The following RASD1 variants were observed in gnomAD, a reference collection of about 807,000 sequenced individuals.
The protein encoded by RASD1 is ras related dexamethasone induced 1.
In RASD1, 13 loss-of-function variants were observed where a neutral mutation model predicts 16.7. The ratio of observed to expected loss-of-function variants is 0.78; its 90% CI spans 0.51 to 1.24. The LOEUF is 1.24. Ranked by LOEUF, RASD1 falls within the 50% of genes most tolerant of loss-of-function variation. The pLI is 0.00. For missense variants in RASD1, 397 were observed against 407.5 expected, an observed-to-expected ratio of 0.97 and a Z score of 0.22; for synonymous variants, 170 against 172.6, an observed-to-expected ratio of 0.98 and a Z score of 0.12.
Position 17,496,273 on chromosome 17 carries a change from G to A in RASD1, c.-92C>T. 7.3e-7 allele frequency: 1 copy of A among 1,371,066 alleles called. No individual in the cohort carries two copies. The highest frequency in any genetic ancestry group is 9.8e-7 in the Non-Finnish European group (1 of 1,022,784). 84.9% of individuals were successfully genotyped at this position (1,371,066 alleles called of 1,614,324 possible). A position where few individuals can be genotyped will look rare whatever the true frequency, so the allele number is the denominator to read the frequency against. ...GGGGTGGCACGCGGGGTGAGCGGCT[G>A]GAGGGCTCTGCTCGGGCTGGGCGCG... On this transcript the variant is annotated 5_prime_UTR_variant, in exon 1 of 2. Transcript: ENST00000225688.
Position 17,496,207 on chromosome 17 carries a change from C to T in RASD1, c.-26G>A. 1 of 1,554,804 alleles carries T rather than the reference C, an allele frequency of 6.4e-7. No homozygotes were observed. The highest frequency in any genetic ancestry group is 8.7e-7 in the Non-Finnish European group (1 of 1,147,396). ...TGGGCAGAGGGGCCGCGAGGGCGGG[C>T]GCGGGGCCGAGAGAAGGGCAGAGAG... On this transcript the variant is annotated 5_prime_UTR_variant, in exon 1 of 2. Coordinates refer to ENST00000225688, the MANE Select transcript of RASD1 (RefSeq NM_016084.5).
Position 17,494,963 on chromosome 17 carries a change from C to T in RASD1, c.*162G>A. 2 of 865,374 alleles carry T rather than the reference C, an allele frequency of 2.3e-6. No homozygotes were observed. Among genetic ancestry groups the T allele is most frequent in the Non-Finnish European group, 1.7e-6 (1 of 578,490 alleles). The allele number at this position is 865,374 out of a possible 1,614,324, so 53.6% of individuals were successfully genotyped here. On this transcript the variant is annotated 3_prime_UTR_variant, in exon 2 of 2. Coordinates refer to ENST00000225688, the MANE Select transcript of RASD1 (RefSeq NM_016084.5). Reference sequence around the variant, plus strand: ...TCTCTTTCCTTCCGGAGCAGATGACCGTCCCTTCTCGGTTCAGTGGCGCCT... The same window carrying T: ...TCTCTTTCCTTCCGGAGCAGATGACTGTCCCTTCTCGGTTCAGTGGCGCCT...
Position 17,496,051 on chromosome 17 carries a change from A to C in RASD1, c.131T>G (p.Phe44Cys). ...KVGKTAIVSR[F>C]LTGRFEDAYT... ...GGCGTCCTCGAAGCGGCCGGTGAGG[A>C]AGCGCGACACGATGGCCGTCTTGCC... The change falls in exon 1 of 2, where the codon TTC (phenylalanine) becomes TGC (cysteine). Residue 44 changes from phenylalanine (F) to cysteine (C), a missense_variant. Transcript: ENST00000225688. 6.2e-7 allele frequency: 1 copy of C among 1,614,080 alleles called. No homozygotes were observed. Among genetic ancestry groups the C allele is most frequent in the Non-Finnish European group, 8.5e-7 (1 of 1,180,006 alleles).
In RASD1 at chr17:17,495,469, G is replaced by C; in HGVS notation, c.502C>G (p.Pro168Ala). The C allele has an allele frequency of 6.2e-7, 1 of 1,609,602 alleles. No individual in the cohort carries two copies. Among genetic ancestry groups the C allele is most frequent in the South Asian group, 1.1e-5 (1 of 90,466 alleles). The change falls in exon 2 of 2, where the codon CCC becomes GCC. Residue 168 changes from proline to alanine, a missense_variant. Coordinates refer to ENST00000225688, the MANE Select transcript of RASD1 (RefSeq NM_016084.5). ...ATCTCGAAGTAGGCGCAGCGCTGGG[G>C]GTCGTCGCCCACCAGCTGCTCGATC... ...REIEQLVGDD[P>A]QRCAYFEISA...
chr17:17,496,094 G>A lies in RASD1; in HGVS notation c.88C>T (p.Leu30Phe). Residue 30 changes from leucine to phenylalanine, a missense_variant, in exon 1 of 2, where the codon CTC becomes TTC. By Grantham distance (22) the Leu-to-Phe change is conservative. Transcript: ENST00000225688. ...PAKNCYRMVI[L>F]GSSKVGKTAI... is the part of the protein sequence containing the mutation. ...GTCTTGCCCACCTTGGACGAGCCGA[G>A]GATGACCATGCGATAGCAGTTCTTG... is the stretch of plus-strand genomic sequence containing the variant. 1 of 1,614,122 alleles carries A rather than the reference G, an allele frequency of 6.2e-7. No homozygotes were observed. Among genetic ancestry groups the A allele is most frequent in the Non-Finnish European group, 8.5e-7 (1 of 1,180,018 alleles).
In RASD1 at chr17:17,495,018, G is replaced by A. The variant is rs1474561246; in HGVS notation, c.*107C>T. Reference sequence around the variant, plus strand: ...AGTGCTGGGGGCGGATCGCCGGGAGGGGAGACGCCAGTCCGCGCGCGCTCC... The same window carrying A: ...AGTGCTGGGGGCGGATCGCCGGGAGAGGAGACGCCAGTCCGCGCGCGCTCC... On this transcript the variant is annotated 3_prime_UTR_variant, in exon 2 of 2. Transcript: ENST00000225688. 1.5e-5 allele frequency: 21 copies of A among 1,385,954 alleles called. No individual in the cohort carries two copies. Among genetic ancestry groups the A allele is most frequent in the Non-Finnish European group, 2.1e-5 (21 of 1,019,664 alleles). 85.9% of individuals were successfully genotyped at this position (1,385,954 alleles called of 1,614,324 possible). A position where few individuals can be genotyped will look rare whatever the true frequency, so the allele number is the denominator to read the frequency against.
In RASD1 at chr17:17,495,465, TG is replaced by T; in HGVS notation, c.505del (p.Gln169SerfsTer33). 6.2e-7 allele frequency: 1 copy of T among 1,609,398 alleles called. No homozygotes were observed. Among genetic ancestry groups the T allele is most frequent in the Non-Finnish European group, 8.5e-7 (1 of 1,178,066 alleles). ...CGAGATCTCGAAGTAGGCGCAGCGC[TG>T]GGGGTCGTCGCCCACCAGCTGCTCG... is the stretch of plus-strand genomic sequence containing the variant. ...EIEQLVGDDPQRCAYFEISAK... is the reference protein window; with the variant it reads ...EIEQLVGDDPXRCAYFEISAK... On this transcript the variant is annotated frameshift_variant, in exon 2 of 2. Transcript: ENST00000225688. LOFTEE classifies it high-confidence loss of function.
Position 17,496,215 on chromosome 17 carries a change from C to T in RASD1, c.-34G>A. On this transcript the variant is annotated 5_prime_UTR_variant, in exon 1 of 2. Coordinates refer to ENST00000225688, the MANE Select transcript of RASD1 (RefSeq NM_016084.5). The stretch of plus-strand genomic sequence containing the variant: ...GGGGCCGCGAGGGCGGGCGCGGGGC[C>T]GAGAGAAGGGCAGAGAGCGGCTGAG... 6.5e-7 allele frequency: 1 copy of T among 1,541,604 alleles called. No individual in the cohort carries two copies.
Position 17,495,682 on chromosome 17 carries a change from C to T in RASD1, c.289G>A (p.Asp97Asn). ...AGACTGAACACCAGGATGAAAACGT[C>T]TCCTAGAGGGGGCACAGAGAGCAGA... ...AMRRLSILTGDVFILVFSLDN... is the reference protein window; with the variant it reads ...AMRRLSILTGNVFILVFSLDN... The change falls in exon 2 of 2, where the codon GAC (aspartate) becomes AAC (asparagine). Residue 97 changes from aspartate to asparagine, a missense_variant and splice_region_variant. By Grantham distance (23) the Asp-to-Asn change is conservative. Transcript: ENST00000225688. 1 of 1,605,772 alleles carries T rather than the reference C, an allele frequency of 6.2e-7. No homozygotes were observed. Among genetic ancestry groups the T allele is most frequent in the Non-Finnish European group, 8.5e-7 (1 of 1,175,494 alleles).
rs771412160 is a variant in RASD1, at chr17:17,495,566, G to A, written c.405C>T (p.Asn135=). The change falls in exon 2 of 2, where the codon AAC becomes AAT. Residue 135 remains asparagine (N), a synonymous_variant. Coordinates refer to ENST00000225688, the MANE Select transcript of RASD1 (RefSeq NM_016084.5). ...KSCLKNKTKE[N]VDVPLVICGN... is the part of the protein sequence containing the mutation. ...CGCAGATGACCAGGGGCACGTCCACGTTCTCCTTGGTTTTGTTCTTGAGGC... is the reference window on the plus strand; with the variant it reads ...CGCAGATGACCAGGGGCACGTCCACATTCTCCTTGGTTTTGTTCTTGAGGC... The A allele has an allele frequency of 1.9e-5, 31 of 1,613,022 alleles. No individual in the cohort carries two copies. In the South Asian group the frequency reaches 3.4e-4, roughly 18 times the overall value.
At position 17,495,049 on chromosome 17, in the gene RASD1, T is replaced by C. The variant is rs2232841; in HGVS notation, c.*76A>G. 60,393 of 1,551,040 alleles carry C rather than the reference T, an allele frequency of 0.039. 4,342 individuals are homozygous for C. Among genetic ancestry groups the C allele is most frequent in the African/African-American group, 0.32 (22,609 of 71,742 alleles). Reference sequence around the variant, plus strand: ...CGCCAGTCCGCGCGCGCTCCCGGCCTGGGGCGCACCGGGCCGTTGGATTTG... The same window carrying C: ...CGCCAGTCCGCGCGCGCTCCCGGCCCGGGGCGCACCGGGCCGTTGGATTTG... On this transcript the variant is annotated 3_prime_UTR_variant, in exon 2 of 2. Transcript: ENST00000225688.
Position 17,496,343 on chromosome 17 carries a change from A to G in RASD1, c.-162T>C. 2 of 746,128 alleles carry G rather than the reference A, an allele frequency of 2.7e-6. No homozygotes were observed. Among genetic ancestry groups the G allele is most frequent in the South Asian group, 4.1e-5 (2 of 48,792 alleles). 46.2% of individuals were successfully genotyped at this position (746,128 alleles called of 1,614,324 possible). A position where few individuals can be genotyped will look rare whatever the true frequency, so the allele number is the denominator to read the frequency against. Reference sequence around the variant, plus strand: ...GCTCCGCTCGGGCTGGGCTCGGGCTAGGCTGGGCTCGGCTGGGGTTCTCCC... The same window carrying G: ...GCTCCGCTCGGGCTGGGCTCGGGCTGGGCTGGGCTCGGCTGGGGTTCTCCC... On this transcript the variant is annotated 5_prime_UTR_variant, in exon 1 of 2. Coordinates refer to ENST00000225688, the MANE Select transcript of RASD1 (RefSeq NM_016084.5).
At position 17,495,324 on chromosome 17, in the gene RASD1, A is replaced by G. The variant is rs1905386063; in HGVS notation, c.647T>C (p.Val216Ala). The stretch of plus-strand genomic sequence containing the variant: ...GTTCCGCAGCGCCTTCTTGTGCAGC[A>G]CGTCGCAGTACTGCACCGAGACCTT... ...HRKVSVQYCDVLHKKALRNKK... is the reference protein window; with the variant it reads ...HRKVSVQYCDALHKKALRNKK... The change falls in exon 2 of 2, where the codon GTG becomes GCG. Residue 216 changes from valine (V) to alanine (A), a missense_variant. By Grantham distance (64) the Val-to-Ala change is moderately conservative (BLOSUM62 0). Coordinates refer to ENST00000225688, the MANE Select transcript of RASD1 (RefSeq NM_016084.5). The G allele has an allele frequency of 3.2e-6, 5 of 1,557,186 alleles. No homozygotes were observed. The highest frequency in any genetic ancestry group is 2.7e-5 in the African/African-American group (2 of 73,672).
At position 17,495,716 on chromosome 17, in the gene RASD1, A is replaced by G. The variant is rs1203405039; in HGVS notation, c.287-32T>C. 1.9e-6 allele frequency: 3 copies of G among 1,549,098 alleles called. No individual in the cohort carries two copies. In the African/African-American group the frequency reaches 4.1e-5, roughly 21 times the overall value. On this transcript the variant is annotated intron_variant, in intron 1 of 1. Transcript: ENST00000225688. The stretch of plus-strand genomic sequence containing the variant: ...GGGGCACAGAGAGCAGAAAAGGAGA[A>G]GGTGAGGGTGGCCGCCCAGGGGACA...
chr17:17,495,860 C>A, intron 1 of RASD1, 36 bp downstream of exon 1: 1 of 1,564,420 alleles, frequency 6.4e-7, no homozygotes, highest in South Asian at 1.1e-5. Flanking sequence ...GGGTTCCCCG[C>A]CCTTCCCTCC....
Position 17,496,209 on chromosome 17 carries a change from C to A in RASD1, c.-28G>T. ...GGCAGAGGGGCCGCGAGGGCGGGCG[C>A]GGGGCCGAGAGAAGGGCAGAGAGCG... On this transcript the variant is annotated 5_prime_UTR_variant, in exon 1 of 2. Transcript: ENST00000225688. 1 of 1,551,144 alleles carries A rather than the reference C, an allele frequency of 6.4e-7. No individual in the cohort carries two copies. Among genetic ancestry groups the A allele is most frequent in the Non-Finnish European group, 8.7e-7 (1 of 1,145,580 alleles).
chr17:17,495,818 C>T, intron 1 of RASD1, 78 bp downstream of exon 1: 1 of 1,484,520 alleles, frequency 6.7e-7, no homozygotes. Context: ...CGCGCGGCAG[C>T]CGGACCGGCG....
At chr17:17,495,738 G>T (rs535099805) in intron 1 of RASD1, 54 bp from the exon 2 acceptor site, 10 of 1,511,958 alleles carry the variant, frequency 6.6e-6, no homozygotes, top group Non-Finnish European at 8.8e-6. Flanking sequence ...CCGCCCAGGG[G>T]ACAAGTCGGG....
At position 17,496,330 on chromosome 17, in the gene RASD1, C is replaced by G; in HGVS notation, c.-149G>C. ...GCTTGGGGCTCCGGCTCCGCTCGGG[C>G]TGGGCTCGGGCTAGGCTGGGCTCGG... On this transcript the variant is annotated 5_prime_UTR_variant, in exon 1 of 2. Transcript: ENST00000225688. 2 of 839,676 alleles carry G rather than the reference C, an allele frequency of 2.4e-6. No homozygotes were observed. The highest frequency in any genetic ancestry group is 1.9e-5 in the South Asian group (1 of 52,730). 52.0% of individuals were successfully genotyped at this position (839,676 alleles called of 1,614,324 possible). A position where few individuals can be genotyped will look rare whatever the true frequency, so the allele number is the denominator to read the frequency against.
Sources: gnomAD v4.1 joint callset for allele counts on GRCh38, gnomAD v4.1.1 for gene constraint, MANE v1.5 for transcripts, NCBI Gene and HGNC (gene_info 2026-07-23, HGNC 2026-07-21) for gene names.